The following ARSB variants were observed in gnomAD, a reference collection of about 807,000 sequenced individuals.
ARSB encodes the protein N-acetylgalactosamine-4-sulfatase.
In ARSB, 41 loss-of-function variants were observed where a neutral mutation model predicts 50.9. The observed-to-expected ratio is 0.81, with a 90% CI of 0.63 to 1.04. ARSB has a LOEUF of 1.04. Among genes scored for constraint, ARSB ranks in the 50% least tolerant of loss-of-function variants. The probability of loss-of-function intolerance (pLI) is 0.00; values close to 1 mark genes in which losing one functional copy is unlikely to be tolerated. For synonymous variants in ARSB, 269 were observed against 284.8 expected (o/e 0.94, Z 0.56); for missense variants, 672 against 693.3 (o/e 0.97, Z 0.35).
chr5:78,962,982 C>T (rs907430961), intron 3 of ARSB, among the ~76,000 whole-genome samples: 12 of 152,162 alleles, frequency 7.9e-5, no homozygotes, highest in African/African-American at 2.9e-4. Flanking sequence ...ACACGGTGAT[C>T]TTCTTATAGT....
Position 78,879,537 on chromosome 5 carries a change from T to G in ARSB, c.1142+6047A>C, listed in dbSNP as rs186097086. 4.6e-5 allele frequency among the ~76,000 whole-genome samples: 7 copies of G among 152,362 alleles called. No homozygotes were observed. The East Asian group carries it at 1.4e-3, about 29-fold the overall frequency. ...TTCTGATGCTCTCAGCACAGACAAC[T>G]GTTTTTCATCCGTTACTGGCATTCC... On this transcript the variant is annotated intron_variant, in intron 5 of 7. Coordinates refer to ENST00000264914, the MANE Select transcript of ARSB (RefSeq NM_000046.5).
intron 6 of ARSB, among the ~76,000 whole-genome samples, chr5:78,808,108 A>G (rs1028912362): frequency 6.6e-6 from 1 of 150,460 alleles, no homozygotes; most frequent in African/African-American, 2.4e-5. Flanking sequence ...AAAAAAAAAA[A>G]AAAAAAAAAA....
intron 4 of ARSB, among the ~76,000 whole-genome samples, chr5:78,949,374 AAAG>A (rs1433257397): frequency 6.6e-6 from 1 of 152,240 alleles, no homozygotes; most frequent in African/African-American, 2.4e-5. Flanking sequence ...TTATCCTTAT[AAAG>A]AAGTACAGGG....
intron 6 of ARSB, chr5:78,815,772 T>C (rs1371718698): frequency 4.2e-6 from 5 of 1,203,466 alleles, no homozygotes; most frequent in Non-Finnish European, 5.2e-6. Flanking sequence ...GGAATTTACT[T>C]TTGGGAAAAG....
chr5:78,847,893 G>A (rs1175436898), intron 5 of ARSB, among the ~76,000 whole-genome samples: 1 of 151,790 alleles, frequency 6.6e-6, no homozygotes, highest in East Asian at 1.9e-4. Flanking sequence ...GTATTTCTAT[G>A]GTATCAGTTG....
intron 5 of ARSB, among the ~76,000 whole-genome samples, chr5:78,858,715 C>T (rs1364198516): frequency 1.3e-5 from 2 of 152,050 alleles, no homozygotes; most frequent in Non-Finnish European, 2.9e-5. Flanking sequence ...AAAAATAACC[C>T]CAGTTACTAA....
intron 4 of ARSB, among the ~76,000 whole-genome samples, chr5:78,912,752 C>A (rs1286459049): frequency 6.6e-6 from 1 of 152,206 alleles, no homozygotes; most frequent in Non-Finnish European, 1.5e-5. Flanking sequence ...GCTTCTCCCC[C>A]ATGTGACCAA....
intron 6 of ARSB, among the ~76,000 whole-genome samples, chr5:78,784,105 G>A (rs900053845): frequency 6.6e-6 from 1 of 152,128 alleles, no homozygotes; most frequent in Non-Finnish European, 1.5e-5. Context: ...AGAGGCTGCT[G>A]CTATTGTGAC....
intron 5 of ARSB, among the ~76,000 whole-genome samples, chr5:78,872,739 G>A (rs867170559): frequency 2.2e-4 from 32 of 146,844 alleles, no homozygotes; most frequent in African/African-American, 2.8e-4. Context: ...TGGGTGCAGC[G>A]TACCAGCATG....
At chr5:78,984,824 G>C (rs969074734) in intron 1 of ARSB, 113 bp downstream of exon 1, 21 of 859,912 alleles carry the variant, frequency 2.4e-5, no homozygotes, top group Middle Eastern at 4.3e-4. Flanking sequence ...TAACTGGGTC[G>C]GCGGTCCGAG....
intron 3 of ARSB, among the ~76,000 whole-genome samples, chr5:78,963,193 G>A (rs1752068963): frequency 6.6e-6 from 1 of 152,090 alleles, no homozygotes; most frequent in African/African-American, 2.4e-5. Context: ...CTCCTCTCCT[G>A]CCATGTGATC....
intron 5 of ARSB, among the ~76,000 whole-genome samples, chr5:78,845,531 C>G (rs1178199089): frequency 6.6e-6 from 1 of 152,060 alleles, no homozygotes; most frequent in East Asian, 1.9e-4. Flanking sequence ...TACAACCTCG[C>G]CAGGATCTGT....
intron 6 of ARSB, among the ~76,000 whole-genome samples, chr5:78,785,639 G>C (rs531777453): frequency 6.6e-6 from 1 of 152,330 alleles, no homozygotes; most frequent in South Asian, 2.1e-4. Context: ...CAACATGTGT[G>C]AGACTCTTAT....
At chr5:78,802,614 C>T (rs917099205) in intron 6 of ARSB, among the ~76,000 whole-genome samples, 2 of 152,252 alleles carry the variant, frequency 1.3e-5, no homozygotes, top group Admixed American at 6.5e-5. Flanking sequence ...CTACCTTCCA[C>T]CCCTAAACAG....
chr5:78,801,119 A>AT (rs1039157247), intron 6 of ARSB, among the ~76,000 whole-genome samples: 12 of 151,642 alleles, frequency 7.9e-5, no homozygotes, highest in Admixed American at 2.6e-4. Flanking sequence ...AGCAAGTAAA[A>AT]TTTTTTTTTA....
Position 78,969,147 on chromosome 5 carries a change from T to C in ARSB, c.358A>G (p.Ser120Gly), listed in dbSNP as rs746073063. 5 of 1,614,104 alleles carry C rather than the reference T, an allele frequency of 3.1e-6. No homozygotes were observed. Among genetic ancestry groups the C allele is most frequent in the Non-Finnish European group, 4.2e-6 (5 of 1,180,046 alleles). Reference sequence around the variant, plus strand: ...AGTTTTTCATCCAGAGGAACACAGCTGGGCTGACAGGGCCAGATTATTTGG... The same window carrying C: ...AGTTTTTCATCCAGAGGAACACAGCCGGGCTGACAGGGCCAGATTATTTGG... The part of the protein sequence containing the change: ...QHQIIWPCQP[S>G]CVPLDEKLLP... Residue 120 changes from serine (S) to glycine (G), a missense_variant, in exon 2 of 8, where the codon AGC becomes GGC. By Grantham distance (56) the Ser-to-Gly change is moderately conservative (BLOSUM62 0). Transcript: ENST00000264914.
At chr5:78,852,778 A>G (rs1745894048) in intron 5 of ARSB, among the ~76,000 whole-genome samples, 1 of 151,676 alleles carries the variant, frequency 6.6e-6, no homozygotes, top group Non-Finnish European at 1.5e-5. Context: ...TTTTCTCTAA[A>G]CTTCCCTTCT....
intron 6 of ARSB, among the ~76,000 whole-genome samples, chr5:78,802,525 T>C (rs1416807342): frequency 6.6e-6 from 1 of 152,046 alleles, no homozygotes; most frequent in Non-Finnish European, 1.5e-5. Context: ...ATGATCGCAA[T>C]AGGGACAGAT....
At chr5:78,801,669 C>T (rs1252392322) in intron 6 of ARSB, among the ~76,000 whole-genome samples, 5 of 152,130 alleles carry the variant, frequency 3.3e-5, no homozygotes, top group African/African-American at 1.2e-4. Context: ...TCTCGGCCTC[C>T]CTTGCAGTTG....
Sources: allele counts gnomAD v4.1 joint callset (sites outside exome capture counted in the v4.1 genomes callset), GRCh38; gene constraint gnomAD v4.1.1; transcripts MANE v1.5; gene names NCBI Gene and HGNC (gene_info 2026-07-23, HGNC 2026-07-21).